MGST1: variants seen among roughly 807,000 people sequenced by gnomAD.
The protein encoded by MGST1 is microsomal glutathione S-transferase 1.
In MGST1, 5 loss-of-function variants were observed where a neutral mutation model predicts 8.9. The ratio of observed to expected loss-of-function variants is 0.56; its 90% CI spans 0.29 to 1.19. The LOEUF (loss-of-function observed/expected upper bound fraction) is 1.19. Ranked by LOEUF, MGST1 falls within the 50% of genes most tolerant of loss-of-function variation. MGST1 has a pLI of 0.08. For synonymous variants in MGST1, 54 were observed against 67.8 expected (o/e 0.80, Z 1.00); for missense variants, 182 against 187.4 (o/e 0.97, Z 0.17).
At chr12:16,501,071 C>T (rs1019919867) in intron 4 of MGST1, among the ~76,000 whole-genome samples, 1 of 146,242 alleles carries the variant, frequency 6.8e-6, no homozygotes, top group African/African-American at 2.5e-5. Context: ...GTGGCCACTG[C>T]CAGCCTGGTG....
At chr12:16,371,340 C>G (rs1940289569) in intron 3 of MGST1, among the ~76,000 whole-genome samples, 1 of 152,102 alleles carries the variant, frequency 6.6e-6, no homozygotes, top group South Asian at 2.1e-4. Flanking sequence ...CTCATATGTG[C>G]CCAGCACTAT....
At chr12:16,540,374 G>A (rs1941785457) in intron 4 of MGST1, among the ~76,000 whole-genome samples, 1 of 152,164 alleles carries the variant, frequency 6.6e-6, no homozygotes, top group African/African-American at 2.4e-5. Flanking sequence ...CTGGGCTTAA[G>A]CGATCCTCTC....
chr12:16,397,740 G>T (rs997074622), intron 1 of MGST1, among the ~76,000 whole-genome samples: 2 of 148,476 alleles, frequency 1.3e-5, no homozygotes, highest in African/African-American at 4.9e-5. Flanking sequence ...ATATATTTGG[G>T]CATTTTCCTT....
rs1470073559 is a variant in MGST1, at chr12:16,460,260, T to A, written n.482+76656T>A. ...TGAAAACCTAAATGTCCACTTTAGC[T>A]ATTATCATTCAATGAAGCAGTGAGT... is the stretch of plus-strand genomic sequence containing the variant. On this transcript the variant is annotated intron_variant and non_coding_transcript_variant, in intron 4 of 4. Coordinates refer to the MGST1 transcript ENST00000538857. Among the ~76,000 whole-genome samples the A allele has an allele frequency of 2.6e-5, 4 of 152,290 alleles. No individual in the cohort carries two copies. In the East Asian group the frequency reaches 7.7e-4, roughly 29 times the overall value.
chr12:16,387,733 A>C (rs7298920), intron 1 of MGST1, among the ~76,000 whole-genome samples: 2 of 151,804 alleles, frequency 1.3e-5, no homozygotes, highest in African/African-American at 4.8e-5. Flanking sequence ...TCACCGTGTT[A>C]ACCAGGATGG....
At chr12:16,524,034 C>T (rs1305624701) in intron 4 of MGST1, among the ~76,000 whole-genome samples, 1 of 152,112 alleles carries the variant, frequency 6.6e-6, no homozygotes, top group Non-Finnish European at 1.5e-5. Context: ...AATCTGTATA[C>T]ATTTGCTTTG....
At chr12:16,509,200 A>T (rs978058040) in intron 4 of MGST1, among the ~76,000 whole-genome samples, 2 of 152,202 alleles carry the variant, frequency 1.3e-5, no homozygotes, top group African/African-American at 4.8e-5. Flanking sequence ...TTAATGCCTT[A>T]AGACAGTGTT....
At chr12:16,569,114 C>A (rs938659933) in intron 4 of MGST1, among the ~76,000 whole-genome samples, 2 of 152,126 alleles carry the variant, frequency 1.3e-5, no homozygotes, top group Admixed American at 6.6e-5. Context: ...AAGACAGCAA[C>A]AACAATATGT....
At chr12:16,521,721 TTAAA>T (rs1193820930) in intron 4 of MGST1, among the ~76,000 whole-genome samples, 1 of 152,118 alleles carries the variant, frequency 6.6e-6, no homozygotes, top group Admixed American at 6.6e-5. Context: ...GCAAAGAAAT[TTAAA>T]TTAACATCAA....
Position 16,576,386 on chromosome 12 carries a change from A to C in MGST1, n.483-13142A>C, listed in dbSNP as rs1379064061. On this transcript the variant is annotated intron_variant and non_coding_transcript_variant, in intron 4 of 4. Transcript: ENST00000538857. The surrounding 1 kb of genome is among the most constrained non-coding windows in gnomAD (Gnocchi z 4.1). ...CTACTTTCACACCTGATGTCCTACC[A>C]CTCCTGCCTGCTGAGTTCCTACTAA... Among the ~76,000 whole-genome samples the C allele has an allele frequency of 6.6e-6, 1 of 150,910 alleles. No individual in the cohort carries two copies. Among genetic ancestry groups the C allele is most frequent in the Non-Finnish European group, 1.5e-5 (1 of 67,672 alleles).
chr12:16,377,845 G>T (rs1022959986), downstream of MGST1, among the ~76,000 whole-genome samples: 98 of 150,710 alleles, frequency 6.5e-4, 2 homozygotes, highest in East Asian at 0.018. Flanking sequence ...ATTCTAACTG[G>T]TGTGAGATGG....
At chr12:16,368,633 C>T (rs905459026), downstream of MGST1, among the ~76,000 whole-genome samples, 16 of 152,016 alleles carry the variant, frequency 1.1e-4, no homozygotes, top group Admixed American at 6.6e-5. Flanking sequence ...TGGGAAGGGC[C>T]GTGTTGGGTT....
intron 4 of MGST1, among the ~76,000 whole-genome samples, chr12:16,516,051 A>G (rs1321049349): frequency 6.6e-6 from 1 of 152,208 alleles, no homozygotes; most frequent in East Asian, 1.9e-4. Flanking sequence ...CCTGCAAAAA[A>G]AGAGAATTTT....
At chr12:16,514,186 C>A (rs554557208) in intron 4 of MGST1, 7 of 317,302 alleles carry the variant, frequency 2.2e-5, no homozygotes, top group Non-Finnish European at 4.3e-5. Flanking sequence ...GCCAATTATA[C>A]GCCATTGTCG....
intron 4 of MGST1, among the ~76,000 whole-genome samples, chr12:16,551,583 A>G (rs1486378350): frequency 6.6e-6 from 1 of 151,670 alleles, no homozygotes; most frequent in Admixed American, 6.6e-5. Context: ...TGGGCACCAA[A>G]GATGACTTGC....
chr12:16,528,696 C>T lies in MGST1; in HGVS notation n.483-60832C>T, dbSNP rs75263073. ...TTTAGTGCTAGCACTACATTCTAGA[C>T]GACAATAATAGTGAGGCCTATTATG... On this transcript the variant is annotated intron_variant and non_coding_transcript_variant, in intron 4 of 4. Coordinates refer to the MGST1 transcript ENST00000538857. Among the ~76,000 whole-genome samples, 64 of 152,070 alleles carry T rather than the reference C, an allele frequency of 4.2e-4. 1 individual carries two copies. Among genetic ancestry groups the T allele is most frequent in the East Asian group, 7.8e-4 (4 of 5,152 alleles).
At position 16,560,371 on chromosome 12, in the gene MGST1, G is replaced by C. The variant is rs201376237; in HGVS notation, n.483-29157G>C. 12 of 1,591,716 alleles carry C rather than the reference G, an allele frequency of 7.5e-6. No homozygotes were observed. Among genetic ancestry groups the C allele is most frequent in the Non-Finnish European group, 1.0e-5 (12 of 1,169,628 alleles). On this transcript the variant is annotated intron_variant and non_coding_transcript_variant, in intron 4 of 4. Transcript: ENST00000538857. The surrounding 1 kb of genome is among the most constrained non-coding windows in gnomAD (Gnocchi z 5.0). ...CTATTAAATAAATAGCCAGCACAGA[G>C]AGGTTAACCATTTCTTAGAGACCAA... is the stretch of plus-strand genomic sequence containing the variant.
At chr12:16,494,871 C>T (rs1490359890) in intron 4 of MGST1, among the ~76,000 whole-genome samples, 2 of 152,138 alleles carry the variant, frequency 1.3e-5, no homozygotes, top group Non-Finnish European at 2.9e-5. Flanking sequence ...GCCACTGAAA[C>T]AGAATTCAGC....
chr12:16,539,778 T>C (rs1023231941), intron 4 of MGST1, among the ~76,000 whole-genome samples: 4 of 152,206 alleles, frequency 2.6e-5, no homozygotes, highest in Non-Finnish European at 5.9e-5. Context: ...TTTCCACTTA[T>C]ATGGAGCTCA....
Sources: allele counts gnomAD v4.1 joint callset (sites outside exome capture counted in the v4.1 genomes callset), GRCh38; gene constraint gnomAD v4.1.1; non-coding constraint Gnocchi (gnomAD v3.1); transcripts MANE v1.5; gene names NCBI Gene and HGNC (gene_info 2026-07-23, HGNC 2026-07-21).